PER1: variants seen among roughly 807,000 people sequenced by gnomAD.
PER1 encodes the protein period circadian regulator 1.
Under a neutral mutation model 125.9 loss-of-function variants are expected in PER1, and 87 were observed. The ratio of observed to expected loss-of-function variants is 0.69; its 90% CI spans 0.58 to 0.83. The LOEUF is 0.83. PER1 is among the 40% of genes least tolerant of loss of function. The pLI is 0.00. For missense variants in PER1, 1,775 were observed against 1,722.8 expected, an observed-to-expected ratio of 1.03 and a Z score of -0.54; for synonymous variants, 801 against 714.7, an observed-to-expected ratio of 1.12 and a Z score of -1.93.
chr17:8,148,049 G>A lies in PER1; in HGVS notation c.1182C>T (p.Leu394=), dbSNP rs969006372. 5 of 1,612,824 alleles carry A rather than the reference G, an allele frequency of 3.1e-6. No individual in the cohort carries two copies. Among genetic ancestry groups the A allele is most frequent in the Non-Finnish European group, 4.2e-6 (5 of 1,179,490 alleles). Residue 394 remains leucine, a synonymous_variant, in exon 10 of 23, where the codon CTC becomes CTT. Transcript: ENST00000317276. ...LPQDLLGAPV[L]LFLHPEDRPL... is the part of the protein sequence containing the mutation. ...GTCGGTCCTCAGGATGCAGGAACAG[G>A]AGCACTGGGGCCCCCAGGAGGTCCT...
rs142534920 is a variant in PER1 at position 8,142,543 on chromosome 17, CAT to C, written c.3260-87_3260-86del. On this transcript the variant is annotated intron_variant, in intron 20 of 22. Coordinates refer to ENST00000317276, the MANE Select transcript of PER1 (RefSeq NM_002616.3). Reference sequence around the variant, plus strand: ...CTCACAAGGCCTCCCTCAAAGGCCACATGTCCATCCCAGTGGCCTTAGGAAGC... The same window carrying C: ...CTCACAAGGCCTCCCTCAAAGGCCACGTCCATCCCAGTGGCCTTAGGAAGC... The C allele has an allele frequency of 3.3e-3, 5,065 of 1,552,984 alleles. 176 individuals carry two copies. In the African/African-American group the frequency reaches 0.063, roughly 19 times the overall value.
rs757705765 is a variant in PER1 at position 8,143,700 on chromosome 17, C to G, written c.2638G>C (p.Val880Leu). 6.7e-7 allele frequency: 1 copy of G among 1,498,538 alleles called. No homozygotes were observed. Among genetic ancestry groups the G allele is most frequent in the Non-Finnish European group, 9.0e-7 (1 of 1,116,814 alleles). 92.8% of individuals were successfully genotyped at this position (1,498,538 alleles called of 1,614,324 possible). Residue 880 changes from valine to leucine, a missense_variant, in exon 19 of 23, where the codon GTT becomes CTT. Coordinates refer to ENST00000317276, the MANE Select transcript of PER1 (RefSeq NM_002616.3). ...ACTGGGAGAGGGTAGGGCTGGACAACCGCTGGGAAGGGGGTAGTGGCTGGT... is the reference window on the plus strand; with the variant it reads ...ACTGGGAGAGGGTAGGGCTGGACAAGCGCTGGGAAGGGGGTAGTGGCTGGT... ...TPPATTPFPAVVQPYPLPVFS... is the reference protein window; with the variant it reads ...TPPATTPFPALVQPYPLPVFS...
At position 8,143,688 on chromosome 17, in the gene PER1, A is replaced by G. The variant is rs764103410; in HGVS notation, c.2650T>C (p.Tyr884His). 1.9e-5 allele frequency: 22 copies of G among 1,167,730 alleles called. No individual in the cohort carries two copies. The highest frequency in any genetic ancestry group is 4.8e-5 in the African/African-American group (2 of 41,642). The allele number at this position is 1,167,730 out of a possible 1,614,324, so 72.3% of individuals were successfully genotyped here. ...TTPFPAVVQP[Y>H]PLPVFSPRGG... ...CGAGGAGAGAACACTGGGAGAGGGTAGGGCTGGACAACCGCTGGGAAGGGG... is the reference window on the plus strand; with the variant it reads ...CGAGGAGAGAACACTGGGAGAGGGTGGGGCTGGACAACCGCTGGGAAGGGG... Residue 884 changes from tyrosine (Y) to histidine (H), a missense_variant, in exon 19 of 23, where the codon TAC becomes CAC. Transcript: ENST00000317276.
chr17:8,150,061 G>C lies in PER1; in HGVS notation c.439C>G (p.Leu147Val), dbSNP rs1334505367. 6.2e-7 allele frequency: 1 copy of C among 1,614,090 alleles called. No homozygotes were observed. Among genetic ancestry groups the C allele is most frequent in the African/African-American group, 1.3e-5 (1 of 74,944 alleles). The change falls in exon 4 of 23, where the codon CTT becomes GTT. Residue 147 changes from leucine (L) to valine (V), a missense_variant. Physicochemically the swap from Leu to Val is conservative, Grantham distance 32 (BLOSUM62 1). Coordinates refer to ENST00000317276, the MANE Select transcript of PER1 (RefSeq NM_002616.3). Reference sequence around the variant, plus strand: ...CCCCGGCGCTCTGGCGGCAGTCGAAGCTTGAGCTCTCGAAGTGCTGTCATG... The same window carrying C: ...CCCCGGCGCTCTGGCGGCAGTCGAACCTTGAGCTCTCGAAGTGCTGTCATG... ...ELMTALRELK[L>V]RLPPERRGKG...
In PER1 at chr17:8,143,612, G is replaced by C. The variant is rs1317832421; in HGVS notation, c.2726C>G (p.Ala909Gly). The C allele has an allele frequency of 6.9e-7, 1 of 1,451,638 alleles. No individual in the cohort carries two copies. The highest frequency in any genetic ancestry group is 1.4e-5 in the African/African-American group (1 of 69,760). The allele number at this position is 1,451,638 out of a possible 1,614,324, so 89.9% of individuals were successfully genotyped here. A position where few individuals can be genotyped will look rare whatever the true frequency, so the allele number is the denominator to read the frequency against. ...TGGGGTCACCAAAGGGGCGGGGAAA[G>C]CAGCTGGGGGCACAGATGTGGGAGC... ...PPAPTSVPPA[A>G]FPAPLVTPMV... is the part of the protein sequence containing the mutation. The change falls in exon 19 of 23, where the codon GCT (alanine) becomes GGT (glycine). Residue 909 changes from alanine (A) to glycine (G), a missense_variant. Transcript: ENST00000317276.
rs1468819355 is a variant in PER1, at chr17:8,142,776, T to C, written c.3132A>G (p.Glu1044=). Residue 1044 remains glutamate (E), a synonymous_variant, in exon 20 of 23, where the codon GAA becomes GAG. Transcript: ENST00000317276. ...AGCGCGAGTCCTCTTGCAGCAGAAG[T>C]TCGAGCAGGTCACTGGAGCCGGAAA... ...DALSGSSDLL[E]LLLQEDSRSG... is the part of the protein sequence containing the mutation. The C allele has an allele frequency of 6.2e-7, 1 of 1,613,334 alleles. No individual in the cohort carries two copies. The highest frequency in any genetic ancestry group is 2.2e-5 in the East Asian group (1 of 44,888).
chr17:8,145,046 C>T (rs747913292), intron 17 of PER1, 53 bp from the exon 18 acceptor site: 12 of 1,408,190 alleles, frequency 8.5e-6, no homozygotes, highest in Non-Finnish European at 1.1e-5. Flanking sequence ...GGGGTCAACA[C>T]ATCCATACCA....
At chr17:8,146,160 T>C (rs774840312) in intron 16 of PER1, 23 bp from the exon 17 acceptor site, 4 of 1,569,138 alleles carry the variant, frequency 2.5e-6, no homozygotes, top group Non-Finnish European at 3.5e-6. Context: ...ATGGTGCCAG[T>C]TACCATCCCC....
At chr17:8,147,637 T>C in intron 11 of PER1, 37 bp downstream of exon 11, 1 of 1,613,780 alleles carries the variant, frequency 6.2e-7, no homozygotes, top group Non-Finnish European at 8.5e-7. Flanking sequence ...CGCACTGCCC[T>C]ATCCCCAACG....
At chr17:8,142,247 GA>G (rs1555653513) in intron 21 of PER1, 21 bp downstream of exon 21, 1 of 1,551,944 alleles carries the variant, frequency 6.4e-7, no homozygotes, top group Non-Finnish European at 8.7e-7. Context: ...GGAAGGCCAA[GA>G]AGGCCTCTGA....
intron 18 of PER1, chr17:8,144,423 G>C (rs954217026): frequency 3.1e-5 from 14 of 457,436 alleles, no homozygotes; most frequent in East Asian, 2.1e-4. Context: ...ATCTATGCAT[G>C]TCTCTTCATC....
intron 7 of PER1, 95 bp downstream of exon 7, chr17:8,149,163 TG>T (rs1416001548): frequency 7.0e-6 from 8 of 1,137,764 alleles, no homozygotes; most frequent in East Asian, 4.7e-5. Context: ...CAGTCCAGCC[TG>T]GGTGACAGAG....
In PER1 at chr17:8,148,781, C is replaced by T; in HGVS notation, c.911G>A (p.Gly304Asp). ...CCGAGGCCCTGGATCCCGGTCAGGA[C>T]CTCCTCTAGCAAAGGAGAGAGGAGC... ...EKSVFCRIRG[G>D]PDRDPGPRYQ... Residue 304 changes from glycine (G) to aspartate (D), a missense_variant, in exon 8 of 23, where the codon GGT (glycine) becomes GAT (aspartate). Gly to Asp is a moderately conservative substitution (Grantham distance 94). Transcript: ENST00000317276. The T allele has an allele frequency of 1.2e-6, 2 of 1,613,298 alleles. No homozygotes were observed. The highest frequency in any genetic ancestry group is 8.5e-7 in the Non-Finnish European group (1 of 1,179,726).
Position 8,149,758 on chromosome 17 carries a change from G to A in PER1, c.648C>T (p.Asn216=), listed in dbSNP as rs375789424. 1.2e-6 allele frequency: 2 copies of A among 1,612,852 alleles called. No individual in the cohort carries two copies. The highest frequency in any genetic ancestry group is 1.7e-6 in the Non-Finnish European group (2 of 1,180,024). ...EHITSEYTLQ[N]QDTFSVAVSF... ...CAGAGGCCAGGCCGCCGCTGACCTG[G>A]TTCTGAAGTGTGTACTCAGACGTGA... The change falls in exon 5 of 23, where the codon AAC becomes AAT. Residue 216 remains asparagine, a synonymous_variant. Coordinates refer to ENST00000317276, the MANE Select transcript of PER1 (RefSeq NM_002616.3).
At position 8,149,436 on chromosome 17, in the gene PER1, C is replaced by A. The variant is rs761324392; in HGVS notation, c.853+26G>T. The A allele has an allele frequency of 1.9e-6, 3 of 1,609,194 alleles. No homozygotes were observed. The South Asian group carries it at 3.3e-5, about 18-fold the overall frequency. ...AGGAATTTCCTGGGACTGCTCATGCCTCCCCACAGCGCTTGGGCACCTCAC... is the reference window on the plus strand; with the variant it reads ...AGGAATTTCCTGGGACTGCTCATGCATCCCCACAGCGCTTGGGCACCTCAC... On this transcript the variant is annotated intron_variant, in intron 6 of 22. Coordinates refer to ENST00000317276, the MANE Select transcript of PER1 (RefSeq NM_002616.3).
intron 1 of PER1, among the ~76,000 whole-genome samples, chr17:8,152,064 G>A (rs964253521): frequency 1.3e-5 from 2 of 152,204 alleles, no homozygotes; most frequent in Non-Finnish European, 2.9e-5. Flanking sequence ...AAGAAGACCG[G>A]GGCATGCCCG....
rs3027196 is a variant in PER1, at chr17:8,142,241, G to A, written c.3449+28C>T. The stretch of plus-strand genomic sequence containing the variant: ...CCCCCACTACTACCTCTGAAAGGAA[G>A]GCCAAGAAGGCCTCTGAAATGCCTC... On this transcript the variant is annotated intron_variant, in intron 21 of 22. Transcript: ENST00000317276. 2,993 of 1,539,360 alleles carry A rather than the reference G, an allele frequency of 1.9e-3. 37 individuals are homozygous for A. In the South Asian group the frequency reaches 0.029, roughly 15 times the overall value.
rs1299825187 is a variant in PER1 at position 8,144,941 on chromosome 17, G to A, written c.2271C>T (p.Ser757=). The A allele has an allele frequency of 1.3e-6, 2 of 1,517,384 alleles. No homozygotes were observed. The highest frequency in any genetic ancestry group is 8.8e-7 in the Non-Finnish European group (1 of 1,132,852). The allele number at this position is 1,517,384 out of a possible 1,614,324, so 94.0% of individuals were successfully genotyped here. Residue 757 remains serine (S), a synonymous_variant, in exon 18 of 23, where the codon AGC becomes AGT. Coordinates refer to ENST00000317276, the MANE Select transcript of PER1 (RefSeq NM_002616.3). ...GGGCTACTGTGGGGCTGGGGGCTGG[G>A]CTGGGGGCTGGGCCTGGGGCTAGGC... ...LPGLAPGPAP[S]PAPSPTVAPD...
Position 8,143,876 on chromosome 17 carries a change from C to A in PER1, c.2462G>T (p.Gly821Val), listed in dbSNP as rs1402567271. 1.9e-6 allele frequency: 3 copies of A among 1,605,656 alleles called. No individual in the cohort carries two copies. The highest frequency in any genetic ancestry group is 1.7e-5 in the Admixed American group (1 of 59,562). Reference sequence around the variant, plus strand: ...TGGGGGTGCGGGGCCGTGGTGGCAGCCTGTGGGGAGAGACTAGGGTTAGCA... The same window carrying A: ...TGGGGGTGCGGGGCCGTGGTGGCAGACTGTGGGGAGAGACTAGGGTTAGCA... Reference protein sequence around the residue: ...STAPSALGERGCHHGPAPPSR... With the variant: ...STAPSALGERVCHHGPAPPSR... The change falls in exon 19 of 23, where the codon GGC becomes GTC. Residue 821 changes from glycine to valine, a missense_variant and splice_region_variant. By Grantham distance (109) the Gly-to-Val change is moderately radical. Coordinates refer to ENST00000317276, the MANE Select transcript of PER1 (RefSeq NM_002616.3).
Sources: allele counts gnomAD v4.1 joint callset (sites outside exome capture counted in the v4.1 genomes callset), GRCh38; gene constraint gnomAD v4.1.1; transcripts MANE v1.5; gene names NCBI Gene and HGNC (gene_info 2026-07-23, HGNC 2026-07-21).